PTPN4: variants seen among roughly 807,000 people sequenced by gnomAD.
PTPN4 encodes protein tyrosine phosphatase non-receptor type 4, also known as tyrosine-protein phosphatase non-receptor type 4.
Under a neutral mutation model 135.5 loss-of-function variants are expected in PTPN4, and 49 were observed. That is an observed-to-expected ratio of 0.36 (90% CI 0.29 to 0.46). The LOEUF (loss-of-function observed/expected upper bound fraction) is 0.46. PTPN4 is among the 20% of genes least tolerant of loss of function. The probability of loss-of-function intolerance (pLI) is 1.00; values close to 1 mark genes in which losing one functional copy is unlikely to be tolerated. For synonymous variants in PTPN4, 333 were observed against 369.9 expected, an observed-to-expected ratio of 0.90 and a Z score of 1.14; for missense variants, 860 against 1,101.0, an observed-to-expected ratio of 0.78 and a Z score of 3.10.
chr2:119,809,702 A>G lies in PTPN4; in HGVS notation c.-17-135A>G, dbSNP rs1038752485. 4 of 737,934 alleles carry G rather than the reference A, an allele frequency of 5.4e-6. No individual in the cohort carries two copies. In the African/African-American group the frequency reaches 7.1e-5, roughly 13 times the overall value. 45.7% of individuals were successfully genotyped at this position (737,934 alleles called of 1,614,324 possible). On this transcript the variant is annotated intron_variant, in intron 1 of 26. Coordinates refer to ENST00000263708, the MANE Select transcript of PTPN4 (RefSeq NM_002830.4). ...TATATAACTTATACCTACAATTCTT[A>G]TTCTGGTGTTTCAAAATTTATAACT...
At chr2:119,953,877 G>T (rs1004963831) in intron 19 of PTPN4, among the ~76,000 whole-genome samples, 1 of 152,054 alleles carries the variant, frequency 6.6e-6, no homozygotes, top group Non-Finnish European at 1.5e-5. Flanking sequence ...CAAAGACCCA[G>T]CCTTTTTACA....
At chr2:119,894,366 A>G (rs959551175) in intron 9 of PTPN4, among the ~76,000 whole-genome samples, 3 of 152,232 alleles carry the variant, frequency 2.0e-5, no homozygotes, top group African/African-American at 7.2e-5. Flanking sequence ...GTGGTTTTCC[A>G]TAATTCTGAT....
chr2:119,854,903 G>A (rs575131283), intron 2 of PTPN4, among the ~76,000 whole-genome samples: 5 of 152,202 alleles, frequency 3.3e-5, no homozygotes, highest in South Asian at 4.1e-4. Context: ...CAGAAACAGC[G>A]TGTTTCATTT....
chr2:119,893,442 G>A (rs544033159), intron 9 of PTPN4, among the ~76,000 whole-genome samples: 2 of 152,178 alleles, frequency 1.3e-5, no homozygotes, highest in South Asian at 2.1e-4. Flanking sequence ...TTGAAGAGAC[G>A]TAAATCCTCA....
At chr2:119,951,069 A>G (rs1414529343) in intron 18 of PTPN4, among the ~76,000 whole-genome samples, 1 of 152,232 alleles carries the variant, frequency 6.6e-6, no homozygotes, top group African/African-American at 2.4e-5. Flanking sequence ...AAAACTCATT[A>G]TGAGTAGTTT....
At chr2:119,819,197 G>A (rs1677031836) in intron 2 of PTPN4, among the ~76,000 whole-genome samples, 1 of 152,114 alleles carries the variant, frequency 6.6e-6, no homozygotes, top group Non-Finnish European at 1.5e-5. Context: ...GTGCCCCCAA[G>A]GAGAAAGCCA....
At chr2:119,796,950 G>A (rs1691274794) in intron 1 of PTPN4, among the ~76,000 whole-genome samples, 1 of 152,018 alleles carries the variant, frequency 6.6e-6, no homozygotes, top group South Asian at 2.1e-4. Flanking sequence ...AATTGCCTGA[G>A]CCTAATGTCT....
chr2:119,956,110 A>G (rs1289412293), intron 20 of PTPN4, among the ~76,000 whole-genome samples: 1 of 152,074 alleles, frequency 6.6e-6, no homozygotes, highest in African/African-American at 2.4e-5. Context: ...ACAGATCATT[A>G]TATCCAATGA....
At chr2:119,896,860 T>C (rs1452503049) in intron 9 of PTPN4, among the ~76,000 whole-genome samples, 1 of 152,178 alleles carries the variant, frequency 6.6e-6, no homozygotes, top group Admixed American at 6.5e-5. Context: ...ATAATTATTC[T>C]CCTTATTAAA....
chr2:119,937,537 G>T (rs1285048892), intron 15 of PTPN4, among the ~76,000 whole-genome samples: 1 of 152,168 alleles, frequency 6.6e-6, no homozygotes, highest in Non-Finnish European at 1.5e-5. Flanking sequence ...TCTAAAGGCG[G>T]CAACAGAGAG....
intron 15 of PTPN4, among the ~76,000 whole-genome samples, chr2:119,941,900 A>G (rs1274326564): frequency 1.3e-5 from 2 of 152,120 alleles, no homozygotes; most frequent in Non-Finnish European, 2.9e-5. Flanking sequence ...TGTAGATTAT[A>G]GAGCTCATGC....
At position 119,877,370 on chromosome 2, in the gene PTPN4, G is replaced by A; in HGVS notation, c.289+5G>A. The A allele has an allele frequency of 6.2e-7, 1 of 1,611,928 alleles. No homozygotes were observed. Among genetic ancestry groups the A allele is most frequent in the Non-Finnish European group, 8.5e-7 (1 of 1,179,306 alleles). ...CAATAAGGAAGCAGCTAAAGAGTGA[G>A]CATACATATTTACTTAATGTTTTGC... On this transcript the variant is annotated splice_donor_5th_base_variant and intron_variant, in intron 4 of 26. Coordinates refer to ENST00000263708, the MANE Select transcript of PTPN4 (RefSeq NM_002830.4).
chr2:119,813,088 A>G (rs1201801416), intron 2 of PTPN4, among the ~76,000 whole-genome samples: 1 of 152,160 alleles, frequency 6.6e-6, no homozygotes, highest in African/African-American at 2.4e-5. Context: ...TCCATTATGT[A>G]TCAGTCCTCG....
intron 1 of PTPN4, among the ~76,000 whole-genome samples, chr2:119,782,388 T>C (rs1036684679): frequency 2.6e-5 from 4 of 152,026 alleles, no homozygotes; most frequent in African/African-American, 9.7e-5. Context: ...CACTGCACTC[T>C]AGCCTGGGCG....
chr2:119,929,583 A>G (rs1678871562), intron 13 of PTPN4, among the ~76,000 whole-genome samples: 1 of 152,162 alleles, frequency 6.6e-6, no homozygotes, highest in Non-Finnish European at 1.5e-5. Context: ...TTCTCATACA[A>G]CAGAAAAATA....
In PTPN4 at chr2:119,854,580, G is replaced by A. The variant is rs531502134; in HGVS notation, c.139-7956G>A. Among the ~76,000 whole-genome samples the A allele has an allele frequency of 5.9e-5, 9 of 152,274 alleles. 1 individual carries two copies. The highest frequency in any genetic ancestry group is 5.2e-4 in the Admixed American group (8 of 15,298). On this transcript the variant is annotated intron_variant, in intron 2 of 26. Coordinates refer to ENST00000263708, the MANE Select transcript of PTPN4 (RefSeq NM_002830.4). The stretch of plus-strand genomic sequence containing the variant: ...GGTTCCTCTTGGAGTCGATCTAAGG[G>A]TCCTTGGAAGAATGGCCTGCCCATG...
At chr2:119,814,338 A>G (rs544262968) in intron 2 of PTPN4, among the ~76,000 whole-genome samples, 4 of 152,250 alleles carry the variant, frequency 2.6e-5, no homozygotes, top group African/African-American at 9.6e-5. Context: ...GCTGCACATG[A>G]TGCTCCTGAT....
chr2:119,959,880 CATTAAAT>C (rs1679340826), intron 22 of PTPN4, among the ~76,000 whole-genome samples: 1 of 151,992 alleles, frequency 6.6e-6, no homozygotes, highest in Non-Finnish European at 1.5e-5. Flanking sequence ...CTTAAATCTG[CATTAAAT>C]ATTTTCTTGT....
chr2:119,810,043 T>C (rs1302377601), intron 2 of PTPN4, 52 bp downstream of exon 2: 4 of 1,527,394 alleles, frequency 2.6e-6, no homozygotes, highest in Non-Finnish European at 2.7e-6. Context: ...AGTCTGAATT[T>C]AGACATATAT....
Sources: gnomAD v4.1 joint callset for allele counts (sites outside exome capture counted in the v4.1 genomes callset) on GRCh38, gnomAD v4.1.1 for gene constraint, MANE v1.5 for transcripts, NCBI Gene and HGNC (gene_info 2026-07-23, HGNC 2026-07-21) for gene names.